Variants in NFATC1 observed in about 807,000 individuals in gnomAD.
NFATC1 encodes nuclear factor of activated T-cells, cytoplasmic 1.
NFATC1 carries 22 observed loss-of-function variants against 76.0 expected under a neutral mutation model. The ratio of observed to expected loss-of-function variants is 0.29; its 90% CI spans 0.21 to 0.41. The LOEUF (loss-of-function observed/expected upper bound fraction) is 0.41, where lower values mean the gene tolerates loss of function less well. Ranked by LOEUF, NFATC1 falls within the 10% of genes least tolerant of loss-of-function variation. The pLI is 1.00. For missense variants in NFATC1, 1,357 were observed against 1,337.7 expected (o/e 1.01, Z -0.23); for synonymous variants, 704 against 613.1 (o/e 1.15, Z -2.19).
chr18:79,489,035 C>T (rs1035824339), intron 9 of NFATC1, among the ~76,000 whole-genome samples: 4 of 152,188 alleles, frequency 2.6e-5, no homozygotes, highest in Admixed American at 1.3e-4. Context: ...ACTGTTGACC[C>T]GCACGGTGCT....
chr18:79,428,574 G>C (rs996926445), intron 2 of NFATC1, among the ~76,000 whole-genome samples: 8 of 152,324 alleles, frequency 5.3e-5, no homozygotes, highest in Admixed American at 4.6e-4. Context: ...CAACAACAGA[G>C]GGGAACAGCC....
At chr18:79,504,393 G>A (rs1204366403) in intron 9 of NFATC1, among the ~76,000 whole-genome samples, 1 of 152,200 alleles carries the variant, frequency 6.6e-6, no homozygotes, top group African/African-American at 2.4e-5. Context: ...AGGGAGGCCT[G>A]AGCCCAGGGA....
chr18:79,465,095 A>G lies in NFATC1; in HGVS notation c.1960-2355A>G, dbSNP rs1568995276. Reference sequence around the variant, plus strand: ...TGTATGAGCTTCATCTCAACAGTGGAGTTTAAAGCAGGTTGCGTAGGTGCT... The same window carrying G: ...TGTATGAGCTTCATCTCAACAGTGGGGTTTAAAGCAGGTTGCGTAGGTGCT... On this transcript the variant is annotated intron_variant, in intron 7 of 9. Coordinates refer to ENST00000427363, the MANE Select transcript of NFATC1 (RefSeq NM_001278669.2). This position sits in a 1 kb window ranked among gnomAD's most constrained non-coding sequence, Gnocchi z 4.2. 6.6e-6 allele frequency among the ~76,000 whole-genome samples: 1 copy of G among 152,040 alleles called. No homozygotes were observed. The highest frequency in any genetic ancestry group is 1.5e-5 in the Non-Finnish European group (1 of 68,026).
At position 79,467,478 on chromosome 18, in the gene NFATC1, TTCGGAA is replaced by T; in HGVS notation, c.1991_1996del (p.Arg664_Asn665del). 1 of 1,608,692 alleles carries T rather than the reference TTCGGAA, an allele frequency of 6.2e-7. No homozygotes were observed. The highest frequency in any genetic ancestry group is 8.5e-7 in the Non-Finnish European group (1 of 1,176,254). On this transcript the variant is annotated inframe_deletion, in exon 8 of 10. Coordinates refer to ENST00000427363, the MANE Select transcript of NFATC1 (RefSeq NM_001278669.2). ...TCTCTGGTGGTTGAGATCCCGCCAT[TTCGGAA>T]TCAGAGGATAACCAGCCCCGTTCAC...
rs770858652 is a variant in NFATC1 at position 79,411,439 on chromosome 18, G to A, written c.1164G>A (p.Ala388=). ...RKGGFCDQYL[A]VPQHPYQWAK... ...GCGGCTTCTGCGACCAGTACCTGGCGGTGCCGCAGCACCCCTACCAGTGGG... is the reference window on the plus strand; with the variant it reads ...GCGGCTTCTGCGACCAGTACCTGGCAGTGCCGCAGCACCCCTACCAGTGGG... The change falls in exon 2 of 10, where the codon GCG becomes GCA. Residue 388 remains alanine, a synonymous_variant. Coordinates refer to ENST00000427363, the MANE Select transcript of NFATC1 (RefSeq NM_001278669.2). 68 of 1,527,832 alleles carry A rather than the reference G, an allele frequency of 4.5e-5. No individual in the cohort carries two copies. Among genetic ancestry groups the A allele is most frequent in the Non-Finnish European group, 5.8e-5 (66 of 1,140,898 alleles). The allele number at this position is 1,527,832 out of a possible 1,614,324, so 94.6% of individuals were successfully genotyped here.
intron 9 of NFATC1, among the ~76,000 whole-genome samples, chr18:79,489,878 G>A (rs1355723136): frequency 2.6e-5 from 4 of 152,234 alleles, no homozygotes; most frequent in East Asian, 3.9e-4. Context: ...CGGGGTTAGC[G>A]TACGGCGCTA....
At chr18:79,504,139 C>T (rs1050862468) in intron 9 of NFATC1, among the ~76,000 whole-genome samples, 8 of 152,036 alleles carry the variant, frequency 5.3e-5, no homozygotes, top group African/African-American at 1.9e-4. Flanking sequence ...TTCACTAGGG[C>T]AGCGGTTTTC....
intron 6 of NFATC1, among the ~76,000 whole-genome samples, chr18:79,457,405 G>A (rs1210207867): frequency 6.6e-6 from 1 of 152,172 alleles, no homozygotes; most frequent in Non-Finnish European, 1.5e-5. Flanking sequence ...GGCCCCGCTG[G>A]TGTGGGGAGG....
chr18:79,464,364 G>A (rs2088321950), intron 7 of NFATC1, among the ~76,000 whole-genome samples: 4 of 151,968 alleles, frequency 2.6e-5, no homozygotes, highest in Admixed American at 2.6e-4. Flanking sequence ...CAAAGTGCTG[G>A]GATTACAGGC....
chr18:79,464,694 ATTTATTTATT>A (rs2088363278), intron 7 of NFATC1, among the ~76,000 whole-genome samples: 2 of 106,700 alleles, frequency 1.9e-5, no homozygotes, highest in African/African-American at 9.8e-5. Context: ...ATATATATAT[ATTTATTTATT>A]TATTTATTTT....
chr18:79,508,394 G>A (rs947345752), intron 9 of NFATC1, among the ~76,000 whole-genome samples: 1 of 152,208 alleles, frequency 6.6e-6, no homozygotes, highest in African/African-American at 2.4e-5. Flanking sequence ...TGAGGGTTGG[G>A]TGAGGGGGCG....
intron 1 of NFATC1, among the ~76,000 whole-genome samples, chr18:79,400,004 T>A (rs976160502): frequency 6.6e-6 from 1 of 151,004 alleles, no homozygotes; most frequent in African/African-American, 2.4e-5. Flanking sequence ...TCCGTCGCCC[T>A]GGGCGCAGCC....
intron 9 of NFATC1, 68 bp downstream of exon 9, chr18:79,487,005 G>A (rs1488587437): frequency 8.8e-6 from 13 of 1,484,110 alleles, no homozygotes; most frequent in Middle Eastern, 1.8e-4. Context: ...TGGAGGGGCC[G>A]TGTGCGTGCT....
intron 9 of NFATC1, among the ~76,000 whole-genome samples, chr18:79,509,828 C>T (rs1448562170): frequency 6.6e-6 from 1 of 152,214 alleles, no homozygotes; most frequent in Non-Finnish European, 1.5e-5. Flanking sequence ...TCAGAAAGCC[C>T]TCCCACTTTC....
rs36215732 is a variant in NFATC1 at position 79,510,813 on chromosome 18, C to CTCCTCTGCCGGGGCA, written c.2783-16667_2783-16653dup. On this transcript the variant is annotated intron_variant, in intron 9 of 9. Coordinates refer to ENST00000427363, the MANE Select transcript of NFATC1 (RefSeq NM_001278669.2). The stretch of plus-strand genomic sequence containing the variant: ...AGACCCCGGCATCCCCTCCACGGGG[C>CTCCTCTGCCGGGGCA]TCCTCTGCCGGGGCATCCTCTGCCG... Among the ~76,000 whole-genome samples the CTCCTCTGCCGGGGCA allele has an allele frequency of 8.1e-5, 12 of 148,422 alleles. 1 individual carries two copies. The highest frequency in any genetic ancestry group is 7.5e-5 in the Non-Finnish European group (5 of 66,734).
chr18:79,441,209 G>A (rs1208748582), intron 3 of NFATC1, among the ~76,000 whole-genome samples: 1 of 152,240 alleles, frequency 6.6e-6, no homozygotes, highest in Admixed American at 6.5e-5. Flanking sequence ...GTGCAGGGCT[G>A]TGGCGCTGCA....
At chr18:79,507,456 G>C (rs1226084893) in intron 9 of NFATC1, among the ~76,000 whole-genome samples, 1 of 152,250 alleles carries the variant, frequency 6.6e-6, no homozygotes, top group Non-Finnish European at 1.5e-5. Context: ...GTGCAGCGCT[G>C]GCTGGCGCAG....
At chr18:79,474,135 TCGA>T (rs1464446636) in intron 8 of NFATC1, among the ~76,000 whole-genome samples, 1 of 140,316 alleles carries the variant, frequency 7.1e-6, no homozygotes, top group Non-Finnish European at 1.5e-5. Context: ...ACGCTCGCTG[TCGA>T]CGTTGTAAAC....
chr18:79,437,065 G>A (rs1436631266), intron 3 of NFATC1, among the ~76,000 whole-genome samples: 1 of 152,194 alleles, frequency 6.6e-6, no homozygotes, highest in African/African-American at 2.4e-5. Flanking sequence ...GGGCCCTGGA[G>A]CCGTCTGCGA....
Sources: allele counts gnomAD v4.1 joint callset (sites outside exome capture counted in the v4.1 genomes callset), GRCh38; gene constraint gnomAD v4.1.1; non-coding constraint Gnocchi (gnomAD v3.1); transcripts MANE v1.5; gene names NCBI Gene and HGNC (gene_info 2026-07-23, HGNC 2026-07-21).